Variants in MBTPS1 observed in about 807,000 individuals in gnomAD.
MBTPS1 encodes the protein membrane-bound transcription factor site-1 protease.
Under a neutral mutation model 127.8 loss-of-function variants are expected in MBTPS1, and 94 were observed. That is an observed-to-expected ratio of 0.74 (90% CI 0.62 to 0.87). MBTPS1 has a LOEUF of 0.87. MBTPS1 is among the 40% of genes least tolerant of loss of function. The probability of loss-of-function intolerance (pLI) is 0.00; values close to 1 mark genes in which losing one functional copy is unlikely to be tolerated. For synonymous variants in MBTPS1, 632 were observed against 509.4 expected (o/e 1.24, Z -3.24); for missense variants, 1,636 against 1,353.2 (o/e 1.21, Z -3.28).
chr16:84,099,048 C>T lies in MBTPS1; in HGVS notation c.421+5G>A, dbSNP rs778126028. 3 of 1,613,324 alleles carry T rather than the reference C, an allele frequency of 1.9e-6. No homozygotes were observed. Among genetic ancestry groups the T allele is most frequent in the Non-Finnish European group, 2.5e-6 (3 of 1,179,640 alleles). On this transcript the variant is annotated splice_donor_5th_base_variant and intron_variant, in intron 3 of 22. Transcript: ENST00000343411. ...GAGAAATTTGCCTACAGTCACAATA[C>T]TCACATTCAGCATACTTGAGGGAAC... is the stretch of plus-strand genomic sequence containing the variant.
chr16:84,071,530 G>C (rs1008001412), intron 12 of MBTPS1, among the ~76,000 whole-genome samples: 1 of 152,204 alleles, frequency 6.6e-6, no homozygotes, highest in African/African-American at 2.4e-5. Flanking sequence ...GAATGCTCTT[G>C]GAGCCACTGG....
chr16:84,115,389 G>A (rs945413599), intron 1 of MBTPS1, among the ~76,000 whole-genome samples: 6 of 152,202 alleles, frequency 3.9e-5, no homozygotes, highest in Non-Finnish European at 8.8e-5. Context: ...CGTTTGACAC[G>A]TGTCTGGGTC....
chr16:84,112,106 G>A (rs144875048), intron 1 of MBTPS1, among the ~76,000 whole-genome samples: 2,382 of 152,034 alleles, frequency 0.016, 68 homozygotes, highest in African/African-American at 0.054. Flanking sequence ...GGAGGCTGAG[G>A]CAGGAGAATC....
chr16:84,105,850 C>CACTG (rs1231276388), intron 1 of MBTPS1, among the ~76,000 whole-genome samples: 2 of 152,148 alleles, frequency 1.3e-5, no homozygotes, highest in African/African-American at 4.8e-5. Context: ...AAAAGCCAGG[C>CACTG]ACTGTTCTAG....
chr16:84,113,696 G>C (rs2086429851), intron 1 of MBTPS1, among the ~76,000 whole-genome samples: 1 of 152,212 alleles, frequency 6.6e-6, no homozygotes, highest in Non-Finnish European at 1.5e-5. Flanking sequence ...TTAGGTGAGT[G>C]AAAATGACTT....
chr16:84,059,156 G>A (rs1186294310), intron 21 of MBTPS1, 146 bp downstream of exon 21: 2 of 1,051,196 alleles, frequency 1.9e-6, no homozygotes, highest in Non-Finnish European at 2.7e-6. Flanking sequence ...GCCAATACGA[G>A]GTTCACTAAA....
intron 18 of MBTPS1, among the ~76,000 whole-genome samples, chr16:84,065,436 G>A (rs73243072): frequency 0.03 from 4,554 of 152,166 alleles, 206 homozygotes; most frequent in African/African-American, 0.1. Flanking sequence ...CCAAAATGTC[G>A]AATGGGCATG....
At chr16:84,099,450 T>C in intron 2 of MBTPS1, 140 bp from the exon 3 acceptor site, 1 of 834,354 alleles carries the variant, frequency 1.2e-6, no homozygotes, top group Non-Finnish European at 1.8e-6. Flanking sequence ...CAAAGACTAG[T>C]TTAAGTACCT....
chr16:84,094,304 G>T (rs139438154), intron 4 of MBTPS1, among the ~76,000 whole-genome samples: 2,617 of 152,228 alleles, frequency 0.017, 47 homozygotes, highest in Non-Finnish European at 0.024. Context: ...TTCCCAATAA[G>T]GACAGCAATT....
intron 11 of MBTPS1, among the ~76,000 whole-genome samples, chr16:84,080,816 C>T (rs977595707): frequency 6.6e-6 from 1 of 152,244 alleles, no homozygotes; most frequent in African/African-American, 2.4e-5. Context: ...CACACCCTTC[C>T]CTTTATCCTT....
intron 11 of MBTPS1, among the ~76,000 whole-genome samples, chr16:84,077,383 C>G (rs2085875079): frequency 6.6e-6 from 1 of 151,896 alleles, no homozygotes; most frequent in Non-Finnish European, 1.5e-5. Flanking sequence ...CAGTGTGGTA[C>G]CAGTACATGG....
intron 3 of MBTPS1, 75 bp from the exon 4 acceptor site, chr16:84,095,880 C>T (rs1445007229): frequency 1.7e-6 from 2 of 1,207,784 alleles, no homozygotes; most frequent in African/African-American, 3.0e-5. Context: ...CAAAACTATC[C>T]TAAACACAGG....
At chr16:84,099,374 T>C (rs771421498) in intron 2 of MBTPS1, 64 bp from the exon 3 acceptor site, 639 of 1,502,620 alleles carry the variant, frequency 4.3e-4, no homozygotes, top group Non-Finnish European at 5.4e-4. Flanking sequence ...TATACTATAT[T>C]GTATCTAATC....
In MBTPS1 at chr16:84,084,984, T is replaced by A; in HGVS notation, c.1285A>T (p.Ser429Cys). 1.9e-6 allele frequency: 3 copies of A among 1,613,876 alleles called. No individual in the cohort carries two copies. Among genetic ancestry groups the A allele is most frequent in the Non-Finnish European group, 2.5e-6 (3 of 1,179,940 alleles). The change falls in exon 10 of 23, where the codon AGC becomes TGC. Residue 429 changes from serine to cysteine, a missense_variant and splice_region_variant. Physicochemically the swap from Ser to Cys is moderately radical, Grantham distance 112. Transcript: ENST00000343411. ...VVAGAVTLLV[S>C]TVQKRELVNP... Reference sequence around the variant, plus strand: ...TGGTCTCTAGGGGGCAGCACTCACCTCACTAACAAGGTGACAGCACCTGCA... The same window carrying A: ...TGGTCTCTAGGGGGCAGCACTCACCACACTAACAAGGTGACAGCACCTGCA...
intron 3 of MBTPS1, among the ~76,000 whole-genome samples, chr16:84,096,485 CTCTT>C (rs765063288): frequency 3.3e-5 from 5 of 152,166 alleles, no homozygotes; most frequent in Non-Finnish European, 5.9e-5. Context: ...ATCTGTAAGT[CTCTT>C]TATTTTTAAA....
intron 18 of MBTPS1, among the ~76,000 whole-genome samples, chr16:84,065,404 T>C (rs73243070): frequency 0.03 from 4,545 of 152,238 alleles, 205 homozygotes; most frequent in African/African-American, 0.1. Flanking sequence ...TCAAGTAATA[T>C]TGCAATAAAT....
chr16:84,075,031 C>T lies in MBTPS1; in HGVS notation c.1449-290G>A, dbSNP rs115507821. ...GGCAGAGAATGAGTACGTGACCAGCCCTAATGGAAACTTGGACTTGAGTCT... is the reference window on the plus strand; with the variant it reads ...GGCAGAGAATGAGTACGTGACCAGCTCTAATGGAAACTTGGACTTGAGTCT... On this transcript the variant is annotated intron_variant, in intron 11 of 22. Coordinates refer to ENST00000343411, the MANE Select transcript of MBTPS1 (RefSeq NM_003791.4). The T allele has an allele frequency of 3.0e-3, 648 of 217,960 alleles. 4 individuals carry two copies. The highest frequency in any genetic ancestry group is 0.014 in the African/African-American group (609 of 43,780). The allele number at this position is 217,960 out of a possible 1,614,324, so 13.5% of individuals were successfully genotyped here. A position where few individuals can be genotyped will look rare whatever the true frequency, so the allele number is the denominator to read the frequency against.
chr16:84,090,070 T>C (rs138135641), intron 8 of MBTPS1, among the ~76,000 whole-genome samples: 2 of 152,370 alleles, frequency 1.3e-5, no homozygotes, highest in Non-Finnish European at 2.9e-5. Context: ...TAGAGTCCTA[T>C]GAATGCCAAT....
At chr16:84,092,625 T>C (rs1469955210) in intron 6 of MBTPS1, among the ~76,000 whole-genome samples, 1 of 152,126 alleles carries the variant, frequency 6.6e-6, no homozygotes, top group Non-Finnish European at 1.5e-5. Flanking sequence ...TTCTGAGCTA[T>C]GCATTACCTA....
Sources: gnomAD v4.1 joint callset for allele counts (sites outside exome capture counted in the v4.1 genomes callset) on GRCh38, gnomAD v4.1.1 for gene constraint, MANE v1.5 for transcripts, NCBI Gene and HGNC (gene_info 2026-07-23, HGNC 2026-07-21) for gene names.